The following PCDH15 variants were observed in gnomAD, a reference collection of about 807,000 sequenced individuals.
PCDH15 encodes the protein protocadherin-15.
PCDH15 carries 129 observed loss-of-function variants against 178.5 expected under a neutral mutation model. That is an observed-to-expected ratio of 0.72 (90% CI 0.63 to 0.84). The LOEUF (loss-of-function observed/expected upper bound fraction) is 0.84. Among genes scored for constraint, PCDH15 ranks in the 40% least tolerant of loss-of-function variants. The pLI, the probability that PCDH15 is intolerant of heterozygous loss-of-function variation, is 0.00. For missense variants in PCDH15, 2,230 were observed against 2,099.9 expected (o/e 1.06, Z -1.21); for synonymous variants, 800 against 732.0 (o/e 1.09, Z -1.50).
chr10:54,540,939 C>T (rs1293031261), intron 2 of PCDH15, among the ~76,000 whole-genome samples: 2 of 152,066 alleles, frequency 1.3e-5, no homozygotes, highest in African/African-American at 4.8e-5. Context: ...GCAGAAAAAG[C>T]TTTCAATAAA....
intron 3 of PCDH15, among the ~76,000 whole-genome samples, chr10:54,520,011 T>G (rs140073682): frequency 0.023 from 3,455 of 152,314 alleles, 127 homozygotes; most frequent in African/African-American, 0.078. Flanking sequence ...GCTAGCCATA[T>G]GTAGAAAGCT....
chr10:55,281,534 G>A lies in PCDH15; in HGVS notation c.-156+38065C>T, dbSNP rs534561497. On this transcript the variant is annotated intron_variant, in intron 1 of 5. Transcript: ENST00000458638. ...CTATTCATTTTCATAAGCAGATTCC[G>A]CCTACCCTTTTTATTGAATAAAGGC... Among the ~76,000 whole-genome samples the A allele has an allele frequency of 2.1e-3, 317 of 150,060 alleles. 1 individual carries two copies. The highest frequency in any genetic ancestry group is 7.4e-3 in the African/African-American group (303 of 40,732).
intron 2 of PCDH15, among the ~76,000 whole-genome samples, chr10:55,371,573 G>C (rs542055265): frequency 1.3e-5 from 2 of 152,028 alleles, no homozygotes; most frequent in South Asian, 4.2e-4. Context: ...CAAAAGATCT[G>C]GTTGTTTGAA....
intron 9 of PCDH15, among the ~76,000 whole-genome samples, chr10:54,219,108 CA>C (rs1275399406): frequency 1.3e-4 from 10 of 77,156 alleles, no homozygotes; most frequent in South Asian, 4.4e-4. Flanking sequence ...AAAAAAAAAA[CA>C]AAAAAAAAAC....
chr10:54,928,599 C>T (rs1298724030), intron 2 of PCDH15, among the ~76,000 whole-genome samples: 1 of 152,142 alleles, frequency 6.6e-6, no homozygotes, highest in African/African-American at 2.4e-5. Flanking sequence ...TTGGTCTCTA[C>T]ATAATTCCAT....
chr10:55,033,786 G>A (rs182105741), intron 2 of PCDH15, among the ~76,000 whole-genome samples: 1 of 152,248 alleles, frequency 6.6e-6, no homozygotes, highest in African/African-American at 2.4e-5. Flanking sequence ...GGGAGCTAGG[G>A]ATATAATGCT....
intron 2 of PCDH15, among the ~76,000 whole-genome samples, chr10:54,963,555 G>A (rs747905600): frequency 3.9e-5 from 6 of 152,082 alleles, no homozygotes; most frequent in Admixed American, 1.3e-4. Context: ...TGATAAGTTT[G>A]TTTCATCATG....
At chr10:54,795,807 G>T (rs1951893082) in intron 1 of PCDH15, among the ~76,000 whole-genome samples, 1 of 151,514 alleles carries the variant, frequency 6.6e-6, no homozygotes, top group African/African-American at 2.4e-5. Context: ...CTTGACCTCT[G>T]ATGCCTTGAC....
intron 1 of PCDH15, among the ~76,000 whole-genome samples, chr10:54,798,683 T>G (rs1328286559): frequency 6.6e-6 from 1 of 152,112 alleles, no homozygotes; most frequent in Non-Finnish European, 1.5e-5. Context: ...TTTTATGAAG[T>G]AGTGTGGTCT....
At chr10:53,943,153 A>G (rs2921912) in intron 23 of PCDH15, among the ~76,000 whole-genome samples, 1 of 152,020 alleles carries the variant, frequency 6.6e-6, no homozygotes, top group African/African-American at 2.4e-5. Context: ...TATGGAAACA[A>G]GACGTCTGCA....
At chr10:55,282,945 C>G (rs1842769030) in intron 1 of PCDH15, among the ~76,000 whole-genome samples, 1 of 152,166 alleles carries the variant, frequency 6.6e-6, no homozygotes, top group South Asian at 2.1e-4. Flanking sequence ...TTTGGAGGAA[C>G]TTACTTTATA....
intron 2 of PCDH15, among the ~76,000 whole-genome samples, chr10:54,982,887 C>T (rs1662744748): frequency 6.6e-6 from 1 of 152,086 alleles, no homozygotes; most frequent in African/African-American, 2.4e-5. Flanking sequence ...CAAACCCAAT[C>T]TTCACAAAAC....
chr10:54,246,502 G>A (rs2055941938), intron 8 of PCDH15, among the ~76,000 whole-genome samples: 1 of 151,656 alleles, frequency 6.6e-6, no homozygotes, highest in Admixed American at 6.6e-5. Context: ...ATATAATTAA[G>A]TGCAGTACTA....
chr10:54,221,792 G>C (rs545111412), intron 9 of PCDH15, among the ~76,000 whole-genome samples: 1 of 151,970 alleles, frequency 6.6e-6, no homozygotes, highest in African/African-American at 2.4e-5. Context: ...TAGTAGAGAC[G>C]GGGTTTCACC....
chr10:55,559,604 A>G (rs1842153794), intron 2 of PCDH15, among the ~76,000 whole-genome samples: 1 of 151,958 alleles, frequency 6.6e-6, no homozygotes, highest in African/African-American at 2.4e-5. Flanking sequence ...TTTAAAGTAG[A>G]CCACTGATAT....
intron 20 of PCDH15, among the ~76,000 whole-genome samples, chr10:54,004,251 A>C (rs1327310177): frequency 1.3e-5 from 2 of 152,094 alleles, no homozygotes; most frequent in Non-Finnish European, 2.9e-5. Context: ...CACTATCACC[A>C]CTGTTATTCA....
At chr10:54,962,949 C>A (rs1838693299) in intron 2 of PCDH15, among the ~76,000 whole-genome samples, 1 of 152,194 alleles carries the variant, frequency 6.6e-6, no homozygotes, top group South Asian at 2.1e-4. Context: ...GAACTGAACT[C>A]TGTTTATGAA....
chr10:54,465,231 T>C (rs913295773), intron 3 of PCDH15, among the ~76,000 whole-genome samples: 1 of 152,122 alleles, frequency 6.6e-6, no homozygotes, highest in Non-Finnish European at 1.5e-5. Context: ...TTCCCTAGAA[T>C]ACTTTTCATC....
At chr10:55,215,109 C>T (rs901616723) in intron 1 of PCDH15, among the ~76,000 whole-genome samples, 2 of 151,934 alleles carry the variant, frequency 1.3e-5, no homozygotes, top group African/African-American at 4.8e-5. Flanking sequence ...GCTAATTGGC[C>T]CCCAAAGGGC....
Sources: gnomAD v4.1 joint callset for allele counts (sites outside exome capture counted in the v4.1 genomes callset) on GRCh38, gnomAD v4.1.1 for gene constraint, MANE v1.5 for transcripts, NCBI Gene and HGNC (gene_info 2026-07-23, HGNC 2026-07-21) for gene names.